Variants in KCNQ1 observed in about 807,000 individuals in gnomAD.
KCNQ1 encodes the protein potassium voltage-gated channel subfamily Q member 1, also known as potassium voltage-gated channel subfamily KQT member 1.
A neutral mutation model predicts 72.4 loss-of-function variants in KCNQ1; 49 were observed. That is an observed-to-expected ratio of 0.68 (90% CI 0.54 to 0.86). KCNQ1 has a LOEUF of 0.86. Among genes scored for constraint, KCNQ1 ranks in the 40% least tolerant of loss-of-function variants. The pLI, the probability that KCNQ1 is intolerant of heterozygous loss-of-function variation, is 0.00. For missense variants in KCNQ1, 790 were observed against 945.1 expected (o/e 0.84, Z 2.15); for synonymous variants, 450 against 412.6 (o/e 1.09, Z -1.10).
chr11:2,685,100 C>A (rs1850461350), intron 11 of KCNQ1: 1 of 398,624 alleles, frequency 2.5e-6, no homozygotes, highest in East Asian at 3.6e-5. Context: ...GGAAGGGGCC[C>A]TTTTGGCACG....
intron 11 of KCNQ1, among the ~76,000 whole-genome samples, chr11:2,722,704 T>C (rs1443208342): frequency 6.6e-6 from 1 of 152,002 alleles, no homozygotes; most frequent in Non-Finnish European, 1.5e-5. Flanking sequence ...ATGACCTGTT[T>C]AGTAAATAGG....
chr11:2,533,608 A>G (rs971555905), intron 2 of KCNQ1, among the ~76,000 whole-genome samples: 1 of 152,230 alleles, frequency 6.6e-6, no homozygotes, highest in African/African-American at 2.4e-5. Context: ...ATGCGTACAC[A>G]TATGCCTGGT....
rs1021611058 is a variant in KCNQ1, at chr11:2,457,677, G to C, written c.386+12193G>C. 7.9e-5 allele frequency among the ~76,000 whole-genome samples: 12 copies of C among 152,140 alleles called. No homozygotes were observed. The highest frequency in any genetic ancestry group is 2.9e-5 in the Non-Finnish European group (2 of 68,034). On this transcript the variant is annotated intron_variant, in intron 1 of 15. Coordinates refer to ENST00000155840, the MANE Select transcript of KCNQ1 (RefSeq NM_000218.3). This position sits in a 1 kb window ranked among gnomAD's most constrained non-coding sequence, Gnocchi z 5.0. ...GTTTGAAAAGTTACCTGTGGGTGCT[G>C]TGCGCACTACGTGGGAGACCGGATC...
intron 10 of KCNQ1, among the ~76,000 whole-genome samples, chr11:2,597,346 C>T (rs983290121): frequency 6.6e-6 from 1 of 152,206 alleles, no homozygotes; most frequent in Non-Finnish European, 1.5e-5. Flanking sequence ...CTACACATAT[C>T]TTACACATTT....
chr11:2,701,617 G>T (rs1450962789), intron 11 of KCNQ1, among the ~76,000 whole-genome samples: 1 of 152,244 alleles, frequency 6.6e-6, no homozygotes, highest in Non-Finnish European at 1.5e-5. Flanking sequence ...TGTTTTAGAA[G>T]TGAAGTCTGA....
At chr11:2,633,041 A>C (rs1849388706) in intron 10 of KCNQ1, 1 of 398,368 alleles carries the variant, frequency 2.5e-6, no homozygotes. Context: ...CAAATAGTGT[A>C]TTATTTCCCT....
intron 10 of KCNQ1, chr11:2,630,740 C>T: frequency 2.5e-6 from 1 of 398,356 alleles, no homozygotes; most frequent in South Asian, 1.3e-4. Context: ...TGAATAACTC[C>T]CTCTGGCATA....
rs1310895416 is a variant in KCNQ1 at position 2,593,622 on chromosome 11, C to T, written c.1393+4768C>T. Among the ~76,000 whole-genome samples, 1 of 152,150 alleles carries T rather than the reference C, an allele frequency of 6.6e-6. No homozygotes were observed. The highest frequency in any genetic ancestry group is 1.5e-5 in the Non-Finnish European group (1 of 68,036). On this transcript the variant is annotated intron_variant, in intron 10 of 15. Transcript: ENST00000155840. This position sits in a 1 kb window ranked among gnomAD's most constrained non-coding sequence, Gnocchi z 6.9. ...GAGCATGCATCACATACCCAGAGGT[C>T]CCCAGTGTGGTCTGGGGACTCATCG...
intron 1 of KCNQ1, among the ~76,000 whole-genome samples, chr11:2,470,812 G>A (rs2133596318): frequency 6.6e-6 from 1 of 152,140 alleles, no homozygotes; most frequent in East Asian, 1.9e-4. Flanking sequence ...TCTCTTAATA[G>A]TGCCCTTTTA....
rs1186303949 is a variant in KCNQ1 at position 2,816,113 on chromosome 11, G to A, written c.1795-31654G>A. Among the ~76,000 whole-genome samples the A allele has an allele frequency of 6.6e-6, 1 of 152,208 alleles. No homozygotes were observed. Among genetic ancestry groups the A allele is most frequent in the Non-Finnish European group, 1.5e-5 (1 of 68,036 alleles). ...CTGAGGAAGAGGACAGTAGCCAGGGGCAAGACCTCACACGCCTCTGCCCAT... is the reference window on the plus strand; with the variant it reads ...CTGAGGAAGAGGACAGTAGCCAGGGACAAGACCTCACACGCCTCTGCCCAT... On this transcript the variant is annotated intron_variant, in intron 15 of 15. Transcript: ENST00000155840. This position sits in a 1 kb window ranked among gnomAD's most constrained non-coding sequence, Gnocchi z 6.8.
rs1019099437 is a variant in KCNQ1 at position 2,808,652 on chromosome 11, G to A, written c.1794+30615G>A. 1.3e-5 allele frequency among the ~76,000 whole-genome samples: 2 copies of A among 152,160 alleles called. No homozygotes were observed. The highest frequency in any genetic ancestry group is 4.8e-5 in the African/African-American group (2 of 41,440). ...TTTGAATTTCTAGAAAATTCCAACA[G>A]TACAGAAAGGTCTGAAATGAAAGGT... On this transcript the variant is annotated intron_variant, in intron 15 of 15. Transcript: ENST00000155840. This position sits in a 1 kb window ranked among gnomAD's most constrained non-coding sequence, Gnocchi z 6.0.
chr11:2,795,588 C>T (rs1339879492), intron 15 of KCNQ1, among the ~76,000 whole-genome samples: 5 of 152,208 alleles, frequency 3.3e-5, no homozygotes, highest in African/African-American at 1.2e-4. Context: ...CCCACACCCA[C>T]TGGGGCTCAC....
In KCNQ1 at chr11:2,544,264, G is replaced by GTATATA. The variant is rs1564811915; in HGVS notation, c.477+16247_477+16248insATATAT. Reference sequence around the variant, plus strand: ...TGTGTGTGTGTATATATATATGTGTGTGTGTGTATATATATGTGTATATAT... The same window carrying GTATATA: ...TGTGTGTGTGTATATATATATGTGTGTATATATGTGTGTATATATATGTGTATATAT... On this transcript the variant is annotated intron_variant, in intron 2 of 15. Coordinates refer to ENST00000155840, the MANE Select transcript of KCNQ1 (RefSeq NM_000218.3). This position sits in a 1 kb window ranked among gnomAD's most constrained non-coding sequence, Gnocchi z 4.4. Among the ~76,000 whole-genome samples the GTATATA allele has an allele frequency of 8.7e-5, 12 of 138,390 alleles. 1 individual carries two copies. Among genetic ancestry groups the GTATATA allele is most frequent in the South Asian group, 4.5e-4 (2 of 4,448 alleles). 90.8% of individuals were successfully genotyped at this position (138,390 alleles called of 152,430 possible).
intron 11 of KCNQ1, chr11:2,692,563 C>G (rs1850606122): frequency 2.5e-6 from 1 of 398,708 alleles, no homozygotes; most frequent in East Asian, 3.6e-5. Flanking sequence ...CTGCCACTTT[C>G]CCCAAGGGAG....
chr11:2,565,292 CTGTT>C lies in KCNQ1; in HGVS notation c.478-5333_478-5330del, dbSNP rs1386531362. Among the ~76,000 whole-genome samples the C allele has an allele frequency of 6.6e-6, 1 of 152,102 alleles. No individual in the cohort carries two copies. Among genetic ancestry groups the C allele is most frequent in the Non-Finnish European group, 1.5e-5 (1 of 68,008 alleles). ...CGGATCCTTGGGAGCACTTGTCACT[CTGTT>C]TGGGGTGGCAGCCACCCTAATGGAT... On this transcript the variant is annotated intron_variant, in intron 2 of 15. Transcript: ENST00000155840. The surrounding 1 kb of genome is among the most constrained non-coding windows in gnomAD (Gnocchi z 5.6).
At chr11:2,650,211 G>T in intron 10 of KCNQ1, 1 of 398,172 alleles carries the variant, frequency 2.5e-6, no homozygotes, top group African/African-American at 2.1e-5. Flanking sequence ...TGTTTGTATT[G>T]TCTATTTGTG....
Position 2,848,878 on chromosome 11 carries a change from A to G in KCNQ1, c.*875A>G, listed in dbSNP as rs8234. ...GACAGGGGTTCCTTCTGGGCATTAC[A>G]TCGCATAGAAATCAATAATTTGTGG... On this transcript the variant is annotated 3_prime_UTR_variant, in exon 16 of 16. Transcript: ENST00000155840. 178,595 of 453,932 alleles carry G rather than the reference A, an allele frequency of 0.39. 38,610 individuals carry two copies. The highest frequency in any genetic ancestry group is 0.87 in the East Asian group (12,453 of 14,384). The allele number at this position is 453,932 out of a possible 1,614,324, so 28.1% of individuals were successfully genotyped here.
At chr11:2,618,720 A>AT (rs1474145167) in intron 10 of KCNQ1, 1 of 398,404 alleles carries the variant, frequency 2.5e-6, no homozygotes, top group African/African-American at 2.1e-5. Flanking sequence ...ATTTAAAAAA[A>AT]TTTTCCATGG....
Position 2,570,646 on chromosome 11 carries a change from T to G in KCNQ1, c.496T>G (p.Phe166Val), listed in dbSNP as rs768419064. Residue 166 changes from phenylalanine (F) to valine (V), a missense_variant, in exon 3 of 16, where the codon TTC (phenylalanine) becomes GTC (valine). This residue lies in a region of KCNQ1 where 294 missense variants were observed against 323.3 expected (regional missense o/e 0.91). Coordinates refer to ENST00000155840, the MANE Select transcript of KCNQ1 (RefSeq NM_000218.3). ...LFWMEIVLVV[F>V]FGTEYVVRLW... The stretch of plus-strand genomic sequence containing the variant: ...CCTGCAGGAGATCGTGCTGGTGGTG[T>G]TCTTCGGGACGGAGTACGTGGTCCG... 6.2e-7 allele frequency: 1 copy of G among 1,612,756 alleles called. No homozygotes were observed. Among genetic ancestry groups the G allele is most frequent in the Non-Finnish European group, 8.5e-7 (1 of 1,179,970 alleles).
Sources: gnomAD v4.1 joint callset for allele counts (sites outside exome capture counted in the v4.1 genomes callset) on GRCh38, gnomAD v4.1.1 for gene constraint, gnomAD v4.1.1 regional missense constraint, Gnocchi (gnomAD v3.1) non-coding constraint, MANE v1.5 for transcripts, NCBI Gene and HGNC (gene_info 2026-07-23, HGNC 2026-07-21) for gene names.